Variants in ZNF385B observed in about 807,000 individuals in gnomAD.
ZNF385B encodes zinc finger protein 533.
ZNF385B carries 23 observed loss-of-function variants against 39.2 expected under a neutral mutation model. The ratio of observed to expected loss-of-function variants is 0.59; its 90% CI spans 0.42 to 0.83. The LOEUF is 0.83. ZNF385B is among the 40% of genes least tolerant of loss of function. ZNF385B has a pLI of 0.00. For synonymous variants in ZNF385B, 205 were observed against 222.6 expected (o/e 0.92, Z 0.70); for missense variants, 552 against 598.9 (o/e 0.92, Z 0.82).
At chr2:179,469,034 G>A (rs1368262781) in intron 6 of ZNF385B, among the ~76,000 whole-genome samples, 2 of 152,086 alleles carry the variant, frequency 1.3e-5, no homozygotes, top group Non-Finnish European at 2.9e-5. Context: ...TTGTTAAAGC[G>A]GGCTTTATAT....
chr2:179,739,092 AC>A (rs2106445867), intron 3 of ZNF385B, among the ~76,000 whole-genome samples: 1 of 152,320 alleles, frequency 6.6e-6, no homozygotes, highest in South Asian at 2.1e-4. Flanking sequence ...TTGGGAAGGT[AC>A]CTTAATCTCT....
intron 3 of ZNF385B, among the ~76,000 whole-genome samples, chr2:179,752,285 T>C (rs1181647454): frequency 3.9e-5 from 6 of 152,258 alleles, no homozygotes; most frequent in Admixed American, 2.0e-4. Flanking sequence ...TATGGCTGCA[T>C]AGTATTCCAT....
chr2:179,622,411 C>G (rs1690292707), intron 3 of ZNF385B, among the ~76,000 whole-genome samples: 1 of 152,138 alleles, frequency 6.6e-6, no homozygotes, highest in Non-Finnish European at 1.5e-5. Flanking sequence ...GCAGCACATA[C>G]TCTGTCTGTG....
At chr2:179,462,600 A>C (rs185922054) in intron 6 of ZNF385B, among the ~76,000 whole-genome samples, 12 of 152,326 alleles carry the variant, frequency 7.9e-5, no homozygotes, top group African/African-American at 2.4e-4. Context: ...AAAAGCACAC[A>C]GGCTGCAAGA....
chr2:179,799,665 C>T (rs1324290461), intron 1 of ZNF385B, among the ~76,000 whole-genome samples: 1 of 152,018 alleles, frequency 6.6e-6, no homozygotes, highest in South Asian at 2.1e-4. Context: ...AGTTTTCTTA[C>T]AGTCAAGTGA....
intron 3 of ZNF385B, among the ~76,000 whole-genome samples, chr2:179,672,207 C>T (rs768642445): frequency 1.4e-4 from 22 of 152,228 alleles, no homozygotes; most frequent in Non-Finnish European, 2.8e-4. Context: ...CAGAATTTAT[C>T]ACTTATTTCT....
At chr2:179,628,723 T>C (rs921506168) in intron 3 of ZNF385B, among the ~76,000 whole-genome samples, 13 of 152,228 alleles carry the variant, frequency 8.5e-5, no homozygotes, top group African/African-American at 3.1e-4. Flanking sequence ...TGAGAAACCG[T>C]GACAAAAGAG....
At chr2:179,640,968 G>T (rs1019017476) in intron 3 of ZNF385B, among the ~76,000 whole-genome samples, 1 of 152,094 alleles carries the variant, frequency 6.6e-6, no homozygotes. Flanking sequence ...TCTCTGAAAA[G>T]AGTTATTTTC....
At chr2:179,707,532 G>T (rs1425998953) in intron 3 of ZNF385B, among the ~76,000 whole-genome samples, 1 of 152,168 alleles carries the variant, frequency 6.6e-6, no homozygotes, top group African/African-American at 2.4e-5. Context: ...TCTATGCTGG[G>T]CATTACCAAG....
chr2:179,475,710 T>C (rs2105548670), intron 6 of ZNF385B, among the ~76,000 whole-genome samples: 1 of 152,198 alleles, frequency 6.6e-6, no homozygotes, highest in South Asian at 2.1e-4. Flanking sequence ...AAAAACACTT[T>C]AAGCATTATA....
At chr2:179,745,922 T>C (rs1363991510) in intron 3 of ZNF385B, 12 of 1,241,720 alleles carry the variant, frequency 9.7e-6, no homozygotes, top group East Asian at 6.3e-5. Flanking sequence ...GCACTGCTCA[T>C]TGAAAATCCT....
intron 3 of ZNF385B, among the ~76,000 whole-genome samples, chr2:179,582,388 G>A (rs370197623): frequency 5.3e-5 from 8 of 152,248 alleles, no homozygotes; most frequent in African/African-American, 1.9e-4. Flanking sequence ...GAAAATTATG[G>A]AGAAAAAGTA....
intron 4 of ZNF385B, among the ~76,000 whole-genome samples, chr2:179,521,213 G>C (rs529163875): frequency 3.3e-5 from 5 of 151,790 alleles, no homozygotes; most frequent in Non-Finnish European, 7.4e-5. Context: ...TTGAGGCAGA[G>C]TCTTGCTCCG....
intron 3 of ZNF385B, among the ~76,000 whole-genome samples, chr2:179,673,805 C>T (rs1696379606): frequency 6.6e-6 from 1 of 152,162 alleles, no homozygotes; most frequent in South Asian, 2.1e-4. Context: ...TTTGAAGATA[C>T]TATTTCATAA....
At chr2:179,472,762 C>G (rs1029328345) in intron 6 of ZNF385B, among the ~76,000 whole-genome samples, 1 of 152,112 alleles carries the variant, frequency 6.6e-6, no homozygotes, top group Non-Finnish European at 1.5e-5. Context: ...GATCATACCC[C>G]CCCTCCCTAG....
intron 1 of ZNF385B, among the ~76,000 whole-genome samples, chr2:179,787,379 C>T (rs964197758): frequency 2.6e-5 from 4 of 151,768 alleles, no homozygotes; most frequent in Non-Finnish European, 4.4e-5. Context: ...AAACATGGTA[C>T]GTAGTAGAAA....
At chr2:179,696,486 T>C (rs1021570641) in intron 3 of ZNF385B, among the ~76,000 whole-genome samples, 1 of 152,004 alleles carries the variant, frequency 6.6e-6, no homozygotes, top group Admixed American at 6.6e-5. Context: ...ACTAATACTG[T>C]TTTGAAAGCA....
intron 3 of ZNF385B, among the ~76,000 whole-genome samples, chr2:179,573,181 A>G (rs1462928476): frequency 6.6e-6 from 1 of 152,170 alleles, no homozygotes; most frequent in East Asian, 1.9e-4. Flanking sequence ...ATCTTCTGTA[A>G]CATATCTTTT....
At chr2:179,726,156 C>T (rs988751206) in intron 3 of ZNF385B, among the ~76,000 whole-genome samples, 15 of 151,804 alleles carry the variant, frequency 9.9e-5, no homozygotes, top group Non-Finnish European at 2.1e-4. Flanking sequence ...GTATGAAATA[C>T]CAGTTTAAAA....
Sources: gnomAD v4.1 joint callset for allele counts (sites outside exome capture counted in the v4.1 genomes callset) on GRCh38, gnomAD v4.1.1 for gene constraint, MANE v1.5 for transcripts, NCBI Gene and HGNC (gene_info 2026-07-23, HGNC 2026-07-21) for gene names.